The following MARCHF1 variants were observed in gnomAD, a reference collection of about 807,000 sequenced individuals.
MARCHF1 encodes E3 ubiquitin-protein ligase MARCHF1.
MARCHF1 carries 40 observed loss-of-function variants against 54.2 expected under a neutral mutation model. That is an observed-to-expected ratio of 0.74 (90% confidence interval 0.57 to 0.96). The LOEUF (loss-of-function observed/expected upper bound fraction) is 0.96, where lower values mean the gene tolerates loss of function less well. MARCHF1 is among the 40% of genes least tolerant of loss of function. MARCHF1 has a pLI of 0.00. For synonymous variants in MARCHF1, 236 were observed against 236.3 expected (o/e 1.00, Z 0.01); for missense variants, 586 against 656.5 (o/e 0.89, Z 1.17).
chr4:163,641,682 A>T (rs1183213753), intron 5 of MARCHF1, among the ~76,000 whole-genome samples: 1 of 152,188 alleles, frequency 6.6e-6, no homozygotes, highest in Non-Finnish European at 1.5e-5. Flanking sequence ...TCTGATGCAT[A>T]TATTTAGCAG....
intron 4 of MARCHF1, among the ~76,000 whole-genome samples, chr4:163,747,028 G>A (rs1746383077): frequency 6.6e-6 from 1 of 152,166 alleles, no homozygotes; most frequent in Non-Finnish European, 1.5e-5. Context: ...CTTTGCTGAG[G>A]TAAAGGGAAC....
At chr4:164,212,722 C>G (rs1200723475) in intron 1 of MARCHF1, among the ~76,000 whole-genome samples, 2 of 152,132 alleles carry the variant, frequency 1.3e-5, no homozygotes, top group South Asian at 2.1e-4. Context: ...GGTTCGGTAT[C>G]CCTTGAAATT....
chr4:163,530,091 T>TATC (rs1256249267), intron 9 of MARCHF1: 1 of 152,012 alleles, frequency 6.6e-6, no homozygotes, highest in Non-Finnish European at 1.5e-5. Context: ...AGAAATATCC[T>TATC]ATCTATATTT....
Position 163,561,346 on chromosome 4 carries a change from C to G in MARCHF1, c.1192-15603G>C, listed in dbSNP as rs1210763490. ...TGTTTTAGGTTTTACATTTTGTATT[C>G]TCTCTTATAGCTAGTTCTGTGCCCA... On this transcript the variant is annotated intron_variant, in intron 8 of 9. Coordinates refer to ENST00000514618, the MANE Select transcript of MARCHF1 (RefSeq NM_001394959.1). Among the ~76,000 whole-genome samples, 5 of 152,212 alleles carry G rather than the reference C, an allele frequency of 3.3e-5. No homozygotes were observed. The South Asian group carries it at 1.0e-3, about 32-fold the overall frequency.
chr4:163,629,858 T>C (rs1336693941), intron 5 of MARCHF1, among the ~76,000 whole-genome samples: 2 of 152,034 alleles, frequency 1.3e-5, no homozygotes, highest in Non-Finnish European at 2.9e-5. Flanking sequence ...AATGAGTATA[T>C]AAAAAGTGCC....
rs1744736107 is a variant in MARCHF1 at position 163,699,405 on chromosome 4, A to G, written c.162+1408T>C. 3.3e-5 allele frequency among the ~76,000 whole-genome samples: 5 copies of G among 152,208 alleles called. 1 individual carries two copies. The South Asian group carries it at 1.0e-3, about 32-fold the overall frequency. On this transcript the variant is annotated intron_variant, in intron 5 of 9. Transcript: ENST00000514618. Reference sequence around the variant, plus strand: ...TATAAACATCCCAGTGTGTGTGCAGATGTTATCTGACCATTGGCATTGTCC... The same window carrying G: ...TATAAACATCCCAGTGTGTGTGCAGGTGTTATCTGACCATTGGCATTGTCC...
intron 2 of MARCHF1, among the ~76,000 whole-genome samples, chr4:164,004,440 C>A (rs558497394): frequency 1.3e-5 from 2 of 152,000 alleles, no homozygotes; most frequent in African/African-American, 4.8e-5. Context: ...TTACAGTTTA[C>A]AATTTCAAAA....
chr4:163,735,055 A>G (rs751277911), intron 4 of MARCHF1, among the ~76,000 whole-genome samples: 10 of 152,138 alleles, frequency 6.6e-5, no homozygotes, highest in Admixed American at 6.5e-5. Flanking sequence ...TCCTGGTCAA[A>G]AACACTTGTT....
At chr4:163,733,249 A>ATATATATATATACACATG (rs1745928887) in intron 4 of MARCHF1, among the ~76,000 whole-genome samples, 1 of 73,172 alleles carries the variant, frequency 1.4e-5, no homozygotes, top group African/African-American at 4.5e-5. Flanking sequence ...ATACACGTGT[A>ATATATATATATACACATG]TATATATATA....
At chr4:164,287,339 T>G (rs1734176123) in intron 1 of MARCHF1, among the ~76,000 whole-genome samples, 1 of 152,092 alleles carries the variant, frequency 6.6e-6, no homozygotes, top group Admixed American at 6.6e-5. Flanking sequence ...TTTTTGCTAT[T>G]ACGTTCCTTG....
intron 1 of MARCHF1, chr4:164,190,038 A>G (rs1162832865): frequency 7.3e-7 from 1 of 1,361,152 alleles, no homozygotes; most frequent in Non-Finnish European, 1.1e-6. Context: ...CACAAAGCTC[A>G]AGGAGTGCAT....
intron 1 of MARCHF1, among the ~76,000 whole-genome samples, chr4:164,260,463 G>C (rs13133294): frequency 0.94 from 141,943 of 151,754 alleles, 66,441 homozygotes; most frequent in African/African-American, 0.97. Context: ...TCTCTTTTCT[G>C]TCTCTCTAGC....
chr4:163,584,829 T>C (rs1740354780), intron 8 of MARCHF1: 1 of 152,236 alleles, frequency 6.6e-6, no homozygotes, highest in Non-Finnish European at 1.5e-5. Flanking sequence ...ACTTTTGCTT[T>C]GCATTCAATT....
intron 1 of MARCHF1, among the ~76,000 whole-genome samples, chr4:164,328,409 A>C (rs184365891): frequency 6.6e-6 from 1 of 152,370 alleles, no homozygotes; most frequent in Non-Finnish European, 1.5e-5. Flanking sequence ...CACCAATTCA[A>C]ATATGAAAAC....
intron 1 of MARCHF1, among the ~76,000 whole-genome samples, chr4:164,201,038 A>C (rs1268694897): frequency 6.6e-6 from 1 of 152,206 alleles, no homozygotes; most frequent in African/African-American, 2.4e-5. Flanking sequence ...GCCTAAAAAG[A>C]GTGAGCTAGG....
At chr4:164,209,691 T>G (rs1731711743) in intron 1 of MARCHF1, among the ~76,000 whole-genome samples, 1 of 152,206 alleles carries the variant, frequency 6.6e-6, no homozygotes, top group Admixed American at 6.5e-5. Context: ...TATAAAATAG[T>G]GTTACAAATT....
intron 3 of MARCHF1, among the ~76,000 whole-genome samples, chr4:163,953,276 T>C (rs1017202495): frequency 1.3e-5 from 2 of 152,172 alleles, no homozygotes; most frequent in Middle Eastern, 3.2e-3. Context: ...CAATGTAAAA[T>C]ATTTCAGGAT....
intron 4 of MARCHF1, among the ~76,000 whole-genome samples, chr4:163,774,495 T>G: frequency 7.8e-6 from 1 of 128,104 alleles, no homozygotes; most frequent in Non-Finnish European, 1.6e-5. Flanking sequence ...TGCACTCAAG[T>G]GTTAGGCTTT....
In MARCHF1 at chr4:164,184,043, AAT is replaced by A. The variant is rs1255742725; in HGVS notation, c.-322-72383_-322-72382del. Among the ~76,000 whole-genome samples, 5 of 152,268 alleles carry A rather than the reference AAT, an allele frequency of 3.3e-5. No homozygotes were observed. In the East Asian group the frequency reaches 7.7e-4, roughly 24 times the overall value. The stretch of plus-strand genomic sequence containing the variant: ...GTACAATCTTCAAAGTCTTGTATGA[AAT>A]CTATAATTCCTTGGTGGGAGGGAGG... On this transcript the variant is annotated intron_variant, in intron 1 of 9. Coordinates refer to ENST00000514618, the MANE Select transcript of MARCHF1 (RefSeq NM_001394959.1).
Sources: allele counts gnomAD v4.1 joint callset (sites outside exome capture counted in the v4.1 genomes callset), GRCh38; gene constraint gnomAD v4.1.1; transcripts MANE v1.5; gene names NCBI Gene and HGNC (gene_info 2026-07-23, HGNC 2026-07-21).